The following FAT2 variants were observed in gnomAD, a reference collection of about 807,000 sequenced individuals.
FAT2 encodes the protein protocadherin Fat 2.
FAT2 carries 150 observed loss-of-function variants against 295.3 expected under a neutral mutation model. That is an observed-to-expected ratio of 0.51 (90% confidence interval 0.44 to 0.58). The LOEUF (loss-of-function observed/expected upper bound fraction) is 0.58. FAT2 is among the 20% of genes least tolerant of loss of function. The pLI, the probability that FAT2 is intolerant of heterozygous loss-of-function variation, is 0.00. For synonymous variants in FAT2, 2,026 were observed against 2,150.3 expected (o/e 0.94, Z 1.60); for missense variants, 4,868 against 5,442.7 (o/e 0.89, Z 3.32).
In FAT2 at chr5:151,566,292, G is replaced by A. The variant is rs1758259539; in HGVS notation, c.2640C>T (p.His880=). Residue 880 remains histidine, a synonymous_variant, in exon 2 of 24, where the codon CAC becomes CAT. Coordinates refer to ENST00000261800, the MANE Select transcript of FAT2 (RefSeq NM_001447.3). The stretch of plus-strand genomic sequence containing the variant: ...ACCGAGGCTCTGATTCGCGGTCCAG[G>A]TGTCCTGTAACAACCAGTTCCCCAG... ...PLTGELVVTG[H]LDRESEPRYI... The A allele has an allele frequency of 1.2e-6, 2 of 1,614,030 alleles. No homozygotes were observed. The highest frequency in any genetic ancestry group is 8.5e-7 in the Non-Finnish European group (1 of 1,180,038).
In FAT2 at chr5:151,545,112, G is replaced by A. The variant is rs1454464903; in HGVS notation, c.6015C>T (p.Leu2005=). The change falls in exon 10 of 24, where the codon CTC becomes CTT. Residue 2005 remains leucine, a synonymous_variant. Coordinates refer to ENST00000261800, the MANE Select transcript of FAT2 (RefSeq NM_001447.3). The part of the protein sequence containing the change: ...NHLNDTLSYF[L]LNGTDMFHMV... ...TATGAAACATATCTGTGCCATTCAA[G>A]AGAAAGTAGGAAAGGGTGTCATTCA... 1 of 1,614,188 alleles carries A rather than the reference G, an allele frequency of 6.2e-7. No homozygotes were observed. Among genetic ancestry groups the A allele is most frequent in the Non-Finnish European group, 8.5e-7 (1 of 1,180,042 alleles).
At chr5:151,515,399 G>A (rs892911798) in intron 20 of FAT2, among the ~76,000 whole-genome samples, 70 of 152,080 alleles carry the variant, frequency 4.6e-4, no homozygotes, top group African/African-American at 1.2e-3. Context: ...TCAGTACCAC[G>A]TATGCGCTGA....
In FAT2 at chr5:151,505,942, C is replaced by T; in HGVS notation, c.12673G>A (p.Gly4225Ser). ...VMPEPNGLYG[G>S]FPFPLEMENK... ...TCCATCTCCAGGGGGAAGGGGAAGC[C>T]CCCATAGAGGCCATTAGGCTCTGGC... Residue 4225 changes from glycine (G) to serine (S), a missense_variant, in exon 24 of 24, where the codon GGC becomes AGC. This residue lies in a region of FAT2 where 492 missense variants were observed against 482.6 expected (regional missense o/e 1.02). Transcript: ENST00000261800. 1.9e-6 allele frequency: 3 copies of T among 1,581,194 alleles called. No individual in the cohort carries two copies. The highest frequency in any genetic ancestry group is 1.9e-5 in the Admixed American group (1 of 51,784).
chr5:151,556,931 C>G (rs1419454392), intron 3 of FAT2, among the ~76,000 whole-genome samples: 2 of 152,066 alleles, frequency 1.3e-5, no homozygotes, highest in Non-Finnish European at 2.9e-5. Context: ...AAATGAAACT[C>G]GGGGGAAAGC....
chr5:151,571,154 C>G lies in FAT2; in HGVS notation c.-20-2203G>C, dbSNP rs144398960. ...CCCGCCCTGCCTGCCCACTACTGTC[C>G]TTCCATGCTTAGAGCTGCAGCCCAT... On this transcript the variant is annotated intron_variant, in intron 1 of 23. Transcript: ENST00000261800. 3.1e-4 allele frequency among the ~76,000 whole-genome samples: 47 copies of G among 151,420 alleles called. No homozygotes were observed. The South Asian group carries it at 5.4e-3, about 18-fold the overall frequency.
In FAT2 at chr5:151,566,549, G is replaced by C; in HGVS notation, c.2383C>G (p.Leu795Val). 1 of 1,614,120 alleles carries C rather than the reference G, an allele frequency of 6.2e-7. No homozygotes were observed. Among genetic ancestry groups the C allele is most frequent in the Non-Finnish European group, 8.5e-7 (1 of 1,180,004 alleles). ...CAGGAGGACTTCTGGGGTGTGCCCA[G>C]GTCATATACTGTTACATTGAGGATG... ...FYILNVTVYD[L>V]GTPQKSSWKL... Residue 795 changes from leucine to valine, a missense_variant, in exon 2 of 24, where the codon CTG becomes GTG. By Grantham distance (32) the Leu-to-Val change is conservative. Around this residue, in one of 5 missense-constraint regions of FAT2, gnomAD observed 3,297 missense variants for 3,669.4 expected, o/e 0.90. Transcript: ENST00000261800.
rs1278802569 is a variant in FAT2, at chr5:151,568,827, G to A, written c.105C>T (p.His35=). 6.2e-7 allele frequency: 1 copy of A among 1,614,126 alleles called. No homozygotes were observed. The highest frequency in any genetic ancestry group is 2.2e-5 in the East Asian group (1 of 44,886). ...ILSSSAWHFT[H]SHYNATIYEN... ...CATAGATGGTGGCATTGTAATGGGA[G>A]TGTGTGAAGTGCCAAGCAGAGGAGG... is the stretch of plus-strand genomic sequence containing the variant. Residue 35 remains histidine (H), a synonymous_variant, in exon 2 of 24, where the codon CAC becomes CAT. Coordinates refer to ENST00000261800, the MANE Select transcript of FAT2 (RefSeq NM_001447.3).
chr5:151,516,487 G>T (rs955374108), intron 20 of FAT2, among the ~76,000 whole-genome samples: 4 of 152,178 alleles, frequency 2.6e-5, no homozygotes, highest in African/African-American at 9.7e-5. Context: ...CTGCCCTCCA[G>T]CCTGGGCGAC....
In FAT2 at chr5:151,528,062, A is replaced by G; in HGVS notation, c.10098T>C (p.Leu3366=). The change falls in exon 16 of 24, where the codon CTT becomes CTC. Residue 3366 remains leucine, a synonymous_variant. Transcript: ENST00000261800. ...TTTTGGGGTGAATGGTGAAGTGCCC[A>G]AGCTGGTTCCCTCCTATGAGGCTAT... ...ITYSLIGGNQ[L]GHFTIHPKKG... 1 of 1,614,184 alleles carries G rather than the reference A, an allele frequency of 6.2e-7. No homozygotes were observed. Among genetic ancestry groups the G allele is most frequent in the African/African-American group, 1.3e-5 (1 of 75,040 alleles).
At chr5:151,554,210 A>C in intron 5 of FAT2, 152 bp downstream of exon 5, 2 of 701,976 alleles carry the variant, frequency 2.8e-6, no homozygotes, top group Non-Finnish European at 4.7e-6. Context: ...CTTTGGCTGA[A>C]GCTGAGACTC....
rs1024234841 is a variant in FAT2 at position 151,550,677 on chromosome 5, G to A, written c.4491C>T (p.Phe1497=). The A allele has an allele frequency of 4.3e-6, 7 of 1,614,072 alleles. No homozygotes were observed. The Admixed American group carries it at 6.7e-5, about 15-fold the overall frequency. The change falls in exon 8 of 24, where the codon TTC becomes TTT. Residue 1497 remains phenylalanine, a synonymous_variant. Coordinates refer to ENST00000261800, the MANE Select transcript of FAT2 (RefSeq NM_001447.3). ...GGACACCACTGCTTGGGTCCAGCTG[G>A]AAGAGGCTGGCACTTCCTGGGTCTT... ...GSQDPGSASL[F]QLDPSSGVLV...
intron 1 of FAT2, among the ~76,000 whole-genome samples, chr5:151,587,306 A>T (rs2127664607): frequency 6.6e-6 from 1 of 152,110 alleles, no homozygotes; most frequent in East Asian, 1.9e-4. Flanking sequence ...TTTGAAAATG[A>T]CATGCTCCTT....
At chr5:151,546,445 T>C in intron 9 of FAT2, 108 bp from the exon 10 acceptor site, 1 of 736,464 alleles carries the variant, frequency 1.4e-6, no homozygotes, top group South Asian at 1.8e-5. Context: ...CAGAGCAAAA[T>C]CTGCATATAG....
At chr5:151,550,485 TG>T in intron 8 of FAT2, 104 bp downstream of exon 8, 2 of 1,280,884 alleles carry the variant, frequency 1.6e-6, no homozygotes, top group Non-Finnish European at 2.2e-6. Context: ...GTCTCGTGCA[TG>T]GTCCTTATGA....
intron 11 of FAT2, among the ~76,000 whole-genome samples, chr5:151,538,629 T>C (rs1007606859): frequency 3.9e-5 from 6 of 152,200 alleles, no homozygotes; most frequent in African/African-American, 1.4e-4. Context: ...CTGTTGAGTG[T>C]GGGCAAGCAT....
intron 1 of FAT2, 70 bp from the exon 2 acceptor site, chr5:151,569,021 C>A (rs906258294): frequency 2.8e-6 from 4 of 1,421,056 alleles, no homozygotes; most frequent in Non-Finnish European, 3.8e-6. Flanking sequence ...TGATTCTTAA[C>A]TGGAGGTGAT....
rs1295452316 is a variant in FAT2 at position 151,520,482 on chromosome 5, T to C, written c.11317+794A>G. On this transcript the variant is annotated intron_variant, in intron 19 of 23. Coordinates refer to ENST00000261800, the MANE Select transcript of FAT2 (RefSeq NM_001447.3). ...TTGGTAGGGCTGTGGTGCCGATTAG[T>C]TTAGGTGACATCTACACAGAGTGTG... is the stretch of plus-strand genomic sequence containing the variant. Among the ~76,000 whole-genome samples, 4 of 151,244 alleles carry C rather than the reference T, an allele frequency of 2.6e-5. No homozygotes were observed. The South Asian group carries it at 6.3e-4, about 24-fold the overall frequency.
intron 22 of FAT2, 27 bp from the exon 23 acceptor site, chr5:151,507,638 C>T (rs748857819): frequency 1.2e-5 from 19 of 1,565,816 alleles, no homozygotes; most frequent in Non-Finnish European, 1.6e-5. Flanking sequence ...GTCAGGGGGC[C>T]AAGTCATGAA....
intron 13 of FAT2, among the ~76,000 whole-genome samples, chr5:151,533,177 A>G (rs1754840389): frequency 6.6e-6 from 1 of 152,116 alleles, no homozygotes; most frequent in South Asian, 2.1e-4. Context: ...GAGGAACCAT[A>G]GAAGGAAGGG....
Sources: allele counts gnomAD v4.1 joint callset (sites outside exome capture counted in the v4.1 genomes callset), GRCh38; gene constraint gnomAD v4.1.1; regional missense constraint gnomAD v4.1.1; transcripts MANE v1.5; gene names NCBI Gene and HGNC (gene_info 2026-07-23, HGNC 2026-07-21).